The following SH3BGRL2 variants were observed in gnomAD, a reference collection of about 807,000 sequenced individuals.
SH3BGRL2 encodes the protein SH3 domain-binding glutamic acid-rich-like protein 2.
SH3BGRL2 carries 21 observed loss-of-function variants against 14.8 expected under a neutral mutation model. The observed-to-expected ratio is 1.42, with a 90% CI of 1.01 to 2.05. The LOEUF is 2.05. SH3BGRL2 is among the 30% of genes most tolerant of loss of function. SH3BGRL2 has a pLI of 0.00. For missense variants in SH3BGRL2, 147 were observed against 130.8 expected (o/e 1.12, Z -0.61); for synonymous variants, 50 against 47.8 (o/e 1.05, Z -0.19).
chr6:79,553,335 T>A, the SH3BGRL2 span, among the ~76,000 whole-genome samples: 555 of 152,270 alleles, frequency 3.6e-3, 7 homozygotes, highest in African/African-American at 0.013. Flanking sequence ...CCAGTGAACT[T>A]CTTCAAAATC....
At chr6:79,592,214 G>GA in the SH3BGRL2 span, among the ~76,000 whole-genome samples, 1 of 152,196 alleles carries the variant, frequency 6.6e-6, no homozygotes, top group Non-Finnish European at 1.5e-5. Context: ...TGTTGCACTT[G>GA]AAGAGGAGTG....
intron 2 of SH3BGRL2, among the ~76,000 whole-genome samples, chr6:79,694,990 A>G (rs1205490538): frequency 6.6e-6 from 1 of 151,976 alleles, no homozygotes; most frequent in Non-Finnish European, 1.5e-5. Flanking sequence ...AAACCCTTAT[A>G]TGATTTCTTT....
chr6:79,556,335 A>G, the SH3BGRL2 span, among the ~76,000 whole-genome samples: 47 of 152,202 alleles, frequency 3.1e-4, no homozygotes, highest in South Asian at 2.5e-3. Context: ...TTAAAAATAC[A>G]AAGTCTCCAC....
At chr6:79,647,873 T>G (rs1375646177) in intron 1 of SH3BGRL2, among the ~76,000 whole-genome samples, 1 of 152,076 alleles carries the variant, frequency 6.6e-6, no homozygotes, top group Non-Finnish European at 1.5e-5. Context: ...TAAATTTGAT[T>G]TGTATATCCA....
intron 1 of SH3BGRL2, among the ~76,000 whole-genome samples, chr6:79,634,917 C>G (rs1407585949): frequency 6.6e-6 from 1 of 152,062 alleles, no homozygotes; most frequent in Non-Finnish European, 1.5e-5. Flanking sequence ...GGATTTGGAG[C>G]CTGGGAGAGA....
chr6:79,545,940 C>T, the SH3BGRL2 span, among the ~76,000 whole-genome samples: 1 of 152,032 alleles, frequency 6.6e-6, no homozygotes, highest in African/African-American at 2.4e-5. Flanking sequence ...TCCATTTTCT[C>T]AATTTTCATA....
chr6:79,539,716 G>A, the SH3BGRL2 span, among the ~76,000 whole-genome samples: 1 of 152,290 alleles, frequency 6.6e-6, no homozygotes, highest in South Asian at 2.1e-4. Flanking sequence ...AACTAGTGTC[G>A]AGTTTGAATG....
the SH3BGRL2 span, among the ~76,000 whole-genome samples, chr6:79,567,958 AAC>A: frequency 6.6e-6 from 1 of 152,182 alleles, no homozygotes; most frequent in African/African-American, 2.4e-5. Context: ...GAAGAGGAAA[AAC>A]CAATGACTAG....
At chr6:79,645,564 GA>G (rs1247723134) in intron 1 of SH3BGRL2, among the ~76,000 whole-genome samples, 1 of 152,096 alleles carries the variant, frequency 6.6e-6, no homozygotes, top group East Asian at 1.9e-4. Flanking sequence ...ATTTGTTACT[GA>G]GCTTGTATAT....
At chr6:79,565,302 C>A in the SH3BGRL2 span, among the ~76,000 whole-genome samples, 40 of 152,132 alleles carry the variant, frequency 2.6e-4, no homozygotes, top group African/African-American at 9.2e-4. Flanking sequence ...TTATTCCTGG[C>A]AGGAGAAATT....
At chr6:79,586,065 G>A in the SH3BGRL2 span, among the ~76,000 whole-genome samples, 22 of 151,618 alleles carry the variant, frequency 1.5e-4, no homozygotes, top group South Asian at 6.3e-4. Flanking sequence ...GCGTGGTGGC[G>A]CATGCCTGTA....
chr6:79,607,107 TC>T, the SH3BGRL2 span, among the ~76,000 whole-genome samples: 3 of 152,192 alleles, frequency 2.0e-5, no homozygotes, highest in African/African-American at 7.2e-5. Context: ...TTCACAACGT[TC>T]CGTTTCTCAC....
At chr6:79,662,591 A>T (rs1168957942) in intron 1 of SH3BGRL2, among the ~76,000 whole-genome samples, 1 of 151,328 alleles carries the variant, frequency 6.6e-6, no homozygotes, top group African/African-American at 2.4e-5. Flanking sequence ...TTTTTCCTTC[A>T]TTTCAACCTT....
Position 79,673,748 on chromosome 6 carries a change from T to C in SH3BGRL2, c.180T>C (p.Thr60=). 3 of 1,614,050 alleles carry C rather than the reference T, an allele frequency of 1.9e-6. No individual in the cohort carries two copies. Among genetic ancestry groups the C allele is most frequent in the Non-Finnish European group, 2.5e-6 (3 of 1,180,002 alleles). Residue 60 remains threonine (T), a synonymous_variant, in exon 2 of 4, where the codon ACT becomes ACC. Coordinates refer to ENST00000369838, the MANE Select transcript of SH3BGRL2 (RefSeq NM_031469.4). ...YKNVPPEKKP[T]QGNPLPPQIF... is the part of the protein sequence containing the mutation. ...ACGTCCCCCCGGAAAAGAAACCCAC[T>C]CAGGGCAACCCCCTGCCACCTCAGA...
In SH3BGRL2 at chr6:79,673,794, T is replaced by A; in HGVS notation, c.226T>A (p.Cys76Ser). The A allele has an allele frequency of 6.2e-7, 1 of 1,613,410 alleles. No homozygotes were observed. The highest frequency in any genetic ancestry group is 8.5e-7 in the Non-Finnish European group (1 of 1,179,696). The change falls in exon 2 of 4, where the codon TGT becomes AGT. Residue 76 changes from cysteine to serine, a missense_variant. Physicochemically the swap from Cys to Ser is moderately radical, Grantham distance 112 (BLOSUM62 -1). Coordinates refer to ENST00000369838, the MANE Select transcript of SH3BGRL2 (RefSeq NM_031469.4). ...TCAGATATTTAATGGCGACCGATAC[T>A]GTGGAGTAAGTGGCTAGACTGTTAT... ...PPQIFNGDRY[C>S]GDYDSFFESK...
rs532576620 is a variant in SH3BGRL2, at chr6:79,638,455, A to G, written c.45+6949A>G. Among the ~76,000 whole-genome samples the G allele has an allele frequency of 9.6e-4, 146 of 152,252 alleles. 1 individual carries two copies. The highest frequency in any genetic ancestry group is 1.5e-3 in the Non-Finnish European group (101 of 67,994). ...AATACACTGATTTCTTTTCCTTTGG[A>G]TAAATTCTCTGTAGTGGGATTGCTG... On this transcript the variant is annotated intron_variant, in intron 1 of 3. Coordinates refer to ENST00000369838, the MANE Select transcript of SH3BGRL2 (RefSeq NM_031469.4).
chr6:79,552,845 A>G, the SH3BGRL2 span: 1 of 152,200 alleles, frequency 6.6e-6, no homozygotes, highest in Non-Finnish European at 1.5e-5. Flanking sequence ...TATGAATTTC[A>G]CAATTAACTT....
the SH3BGRL2 span, among the ~76,000 whole-genome samples, chr6:79,616,762 C>T: frequency 2.0e-5 from 3 of 152,144 alleles, no homozygotes; most frequent in Non-Finnish European, 2.9e-5. Context: ...AGATGACCTC[C>T]ATGGTCCCTC....
the SH3BGRL2 span, among the ~76,000 whole-genome samples, chr6:79,556,142 A>T: frequency 6.6e-6 from 1 of 152,158 alleles, no homozygotes; most frequent in South Asian, 2.1e-4. Flanking sequence ...GCAAGAAGGA[A>T]ACATTCTAAA....
Sources: allele counts gnomAD v4.1 joint callset (sites outside exome capture counted in the v4.1 genomes callset), GRCh38; gene constraint gnomAD v4.1.1; transcripts MANE v1.5; gene names NCBI Gene and HGNC (gene_info 2026-07-23, HGNC 2026-07-21).